The following DGKI variants were observed in gnomAD, a reference collection of about 807,000 sequenced individuals.
DGKI encodes the protein diacylglycerol kinase iota, also known as DAG kinase iota.
A neutral mutation model predicts 147.5 loss-of-function variants in DGKI; 55 were observed. That is an observed-to-expected ratio of 0.37 (90% CI 0.30 to 0.47). The LOEUF (loss-of-function observed/expected upper bound fraction) is 0.47, where lower values mean the gene tolerates loss of function less well. Ranked by LOEUF, DGKI falls within the 20% of genes least tolerant of loss-of-function variation. The probability of loss-of-function intolerance (pLI) is 1.00; values close to 1 mark genes in which losing one functional copy is unlikely to be tolerated. For missense variants in DGKI, 1,007 were observed against 1,323.8 expected (o/e 0.76, Z 3.71); for synonymous variants, 469 against 477.1 (o/e 0.98, Z 0.22).
At chr7:137,829,199 ACTCT>A (rs1162615389) in intron 1 of DGKI, among the ~76,000 whole-genome samples, 1 of 152,166 alleles carries the variant, frequency 6.6e-6, no homozygotes, top group Non-Finnish European at 1.5e-5. Flanking sequence ...GAGAAGACAA[ACTCT>A]CTGTCTTTAA....
intron 20 of DGKI, among the ~76,000 whole-genome samples, chr7:137,535,618 C>T (rs756922978): frequency 3.9e-5 from 6 of 152,042 alleles, no homozygotes; most frequent in Non-Finnish European, 8.8e-5. Flanking sequence ...AGTAAATATC[C>T]GCTGCACTTT....
chr7:137,412,143 C>G, intron 29 of DGKI, 27 bp downstream of exon 29: 1 of 1,609,346 alleles, frequency 6.2e-7, no homozygotes, highest in Non-Finnish European at 8.5e-7. Context: ...AAAGCATCGC[C>G]AAAGATTTGG....
intron 27 of DGKI, among the ~76,000 whole-genome samples, chr7:137,461,589 C>A (rs1377450016): frequency 2.0e-5 from 3 of 152,140 alleles, no homozygotes; most frequent in Non-Finnish European, 4.4e-5. Flanking sequence ...TTTAACACAA[C>A]AATTTTATTA....
rs558377402 is a variant in DGKI at position 137,434,978 on chromosome 7, C to G, written c.2761+9099G>C. On this transcript the variant is annotated intron_variant, in intron 28 of 32. Transcript: ENST00000614521. The stretch of plus-strand genomic sequence containing the variant: ...TAGGGAACACCCACTGAGACTACCA[C>G]AAAAGGCCATCTTTTCAGCACATAG... Among the ~76,000 whole-genome samples the G allele has an allele frequency of 4.6e-5, 7 of 152,224 alleles. No homozygotes were observed. In the South Asian group the frequency reaches 1.5e-3, roughly 32 times the overall value.
rs377654135 is a variant in DGKI at position 137,466,919 on chromosome 7, G to A, written c.2467C>T (p.Arg823Ter). 6.2e-7 allele frequency: 1 copy of A among 1,614,026 alleles called. No homozygotes were observed. Among genetic ancestry groups the A allele is most frequent in the Non-Finnish European group, 8.5e-7 (1 of 1,180,006 alleles). Residue 823 changes from arginine (R) to a stop codon, truncating the protein, a stop_gained, in exon 25 of 33, where the codon CGA becomes TGA. Transcript: ENST00000614521. LOFTEE classifies it high-confidence loss of function. The part of the protein sequence containing the change: ...LDATSADRFY[R>*]IDRSQEHLHF... The stretch of plus-strand genomic sequence containing the variant: ...AAACTTACCTGAGATCTGTCTATTC[G>A]ATAAAAGCGATCAGCAGAAGTTGCT...
In DGKI at chr7:137,388,684, A is replaced by T. The variant is rs1280256706; in HGVS notation, c.*2536T>A. On this transcript the variant is annotated 3_prime_UTR_variant, in exon 33 of 33. Coordinates refer to ENST00000614521, the MANE Select transcript of DGKI (RefSeq NM_001321708.2). ...CAGGAGGTGGTTTAATGTTGAAGCC[A>T]TTAAACATGTGGTTATTCTGCTCAC... 1 of 152,164 alleles carries T rather than the reference A, an allele frequency of 6.6e-6. No homozygotes were observed. Among genetic ancestry groups the T allele is most frequent in the Non-Finnish European group, 1.5e-5 (1 of 68,028 alleles). 9.4% of individuals were successfully genotyped at this position (152,164 alleles called of 1,614,324 possible).
chr7:137,772,930 G>C (rs1796251467), intron 1 of DGKI, among the ~76,000 whole-genome samples: 1 of 152,202 alleles, frequency 6.6e-6, no homozygotes, highest in Non-Finnish European at 1.5e-5. Context: ...AATGGGGGTG[G>C]AGAGAGGAAG....
intron 21 of DGKI, among the ~76,000 whole-genome samples, chr7:137,517,279 A>AAAAGAAAGAAAGAAAGAAAGAAAG (rs3051933): frequency 1.3e-5 from 1 of 79,744 alleles, no homozygotes. Flanking sequence ...AAAGAAAAGA[A>AAAAGAAAGAAAGAAAGAAAGAAAG]AAAGAAAGAA....
In DGKI at chr7:137,770,724, G is replaced by A. The variant is rs1021320889; in HGVS notation, c.401+75738C>T. The stretch of plus-strand genomic sequence containing the variant: ...AATTTTTTGTATTTTTAGTAGAGAC[G>A]GGGTTTCACCGTTTTAGCCGGGATG... On this transcript the variant is annotated intron_variant, in intron 1 of 32. Coordinates refer to ENST00000614521, the MANE Select transcript of DGKI (RefSeq NM_001321708.2). 4.8e-5 allele frequency among the ~76,000 whole-genome samples: 5 copies of A among 103,676 alleles called. 2 individuals carry two copies. Among genetic ancestry groups the A allele is most frequent in the African/African-American group, 3.7e-4 (5 of 13,528 alleles). The allele number at this position is 103,676 out of a possible 152,430, so 68.0% of individuals were successfully genotyped here.
At chr7:137,460,133 TTAAAG>T (rs1814378716) in intron 27 of DGKI, among the ~76,000 whole-genome samples, 1 of 152,168 alleles carries the variant, frequency 6.6e-6, no homozygotes, top group South Asian at 2.1e-4. Context: ...GACTGGGGCT[TTAAAG>T]TGTAAAGCAA....
chr7:137,467,485 C>T (rs961190059), intron 24 of DGKI, among the ~76,000 whole-genome samples: 11 of 152,128 alleles, frequency 7.2e-5, no homozygotes, highest in Admixed American at 7.2e-4. Context: ...GAAGTGACTT[C>T]CCACTTCGGA....
At chr7:137,465,394 T>C (rs1354423112) in intron 26 of DGKI, among the ~76,000 whole-genome samples, 1 of 152,202 alleles carries the variant, frequency 6.6e-6, no homozygotes, top group Non-Finnish European at 1.5e-5. Context: ...GTTATTTGTA[T>C]TTTACAGATG....
intron 1 of DGKI, among the ~76,000 whole-genome samples, chr7:137,749,505 C>T (rs73729020): frequency 6.6e-6 from 1 of 152,160 alleles, no homozygotes; most frequent in Admixed American, 6.5e-5. Flanking sequence ...CTCTCCTCTT[C>T]GCTCTCTGAC....
intron 19 of DGKI, among the ~76,000 whole-genome samples, chr7:137,558,401 G>A (rs1403544778): frequency 2.0e-5 from 3 of 152,176 alleles, no homozygotes; most frequent in African/African-American, 4.8e-5. Context: ...AGCCTCCTGA[G>A]TAGCTGGGAC....
chr7:137,445,862 C>T (rs190943543), intron 27 of DGKI, among the ~76,000 whole-genome samples: 1 of 152,116 alleles, frequency 6.6e-6, no homozygotes, highest in East Asian at 1.9e-4. Context: ...CCATATTCTG[C>T]CTCCATTATT....
chr7:137,527,281 A>C (rs1160128434), intron 20 of DGKI, among the ~76,000 whole-genome samples: 1 of 152,200 alleles, frequency 6.6e-6, no homozygotes, highest in African/African-American at 2.4e-5. Flanking sequence ...GCGCTTCTGC[A>C]ATTTCCATAA....
intron 1 of DGKI, among the ~76,000 whole-genome samples, chr7:137,762,651 A>C (rs190259660): frequency 6.6e-6 from 1 of 152,110 alleles, no homozygotes; most frequent in Non-Finnish European, 1.5e-5. Flanking sequence ...AAACCATTCA[A>C]GTATCACCTT....
intron 1 of DGKI, among the ~76,000 whole-genome samples, chr7:137,845,024 T>A (rs951403790): frequency 3.9e-5 from 6 of 152,018 alleles, no homozygotes; most frequent in Admixed American, 3.9e-4. Flanking sequence ...AGCTACCCCC[T>A]CCCCACCATC....
chr7:137,735,077 T>C (rs1757262405), intron 1 of DGKI, among the ~76,000 whole-genome samples: 1 of 152,154 alleles, frequency 6.6e-6, no homozygotes, highest in Non-Finnish European at 1.5e-5. Context: ...GTTTCCACTC[T>C]AGCTACTGGC....
Sources: gnomAD v4.1 joint callset for allele counts (sites outside exome capture counted in the v4.1 genomes callset) on GRCh38, gnomAD v4.1.1 for gene constraint, MANE v1.5 for transcripts, NCBI Gene and HGNC (gene_info 2026-07-23, HGNC 2026-07-21) for gene names.